Variants in RASGEF1A observed in about 807,000 individuals in gnomAD.
RASGEF1A encodes RasGEF domain family member 1A, also known as ras-GEF domain-containing family member 1A.
A neutral mutation model predicts 56.4 loss-of-function variants in RASGEF1A; 18 were observed. The observed-to-expected ratio is 0.32, with a 90% CI of 0.22 to 0.47. RASGEF1A has a LOEUF of 0.47. RASGEF1A is among the 20% of genes least tolerant of loss of function. RASGEF1A has a pLI of 1.00. For missense variants in RASGEF1A, 422 were observed against 627.1 expected, an observed-to-expected ratio of 0.67 and a Z score of 3.49; for synonymous variants, 245 against 242.6, an observed-to-expected ratio of 1.01 and a Z score of -0.09.
chr10:43,197,245 C>T, intron 10 of RASGEF1A, 146 bp from the exon 11 acceptor site: 1 of 969,586 alleles, frequency 1.0e-6, no homozygotes, highest in Non-Finnish European at 1.5e-6. Flanking sequence ...CACGCTGACC[C>T]CGTGGCCATG....
At chr10:43,255,274 C>T (rs1478053642) in intron 1 of RASGEF1A, among the ~76,000 whole-genome samples, 2 of 152,232 alleles carry the variant, frequency 1.3e-5, no homozygotes, top group Non-Finnish European at 2.9e-5. Context: ...GCCAAGCCGC[C>T]CAGCCCTGCC....
chr10:43,235,413 G>T (rs1192903032), intron 1 of RASGEF1A, among the ~76,000 whole-genome samples: 1 of 152,138 alleles, frequency 6.6e-6, no homozygotes, highest in Non-Finnish European at 1.5e-5. Context: ...CTCTTCCTGG[G>T]GTCCTGTGTC....
intron 1 of RASGEF1A, among the ~76,000 whole-genome samples, chr10:43,235,109 T>A (rs548181922): frequency 1.3e-5 from 2 of 152,340 alleles, no homozygotes; most frequent in East Asian, 3.9e-4. Flanking sequence ...ATACCATTAG[T>A]GCTCCCTTTT....
Position 43,207,759 on chromosome 10 carries a change from A to C in RASGEF1A, c.-6-1637T>G, listed in dbSNP as rs75196304. On this transcript the variant is annotated intron_variant, in intron 1 of 12. Transcript: ENST00000395810. ...GCCTAGCCCCAGACCTGCTGGTCAG[A>C]AACTCTGGGGTGGACTGCTTCTGTA... 3,122 of 961,842 alleles carry C rather than the reference A, an allele frequency of 3.2e-3. 111 individuals are homozygous for C. In the East Asian group the frequency reaches 0.094, roughly 29 times the overall value. The allele number at this position is 961,842 out of a possible 1,614,324, so 59.6% of individuals were successfully genotyped here. A position where few individuals can be genotyped will look rare whatever the true frequency, so the allele number is the denominator to read the frequency against.
intron 1 of RASGEF1A, among the ~76,000 whole-genome samples, chr10:43,234,000 A>C (rs1840402165): frequency 6.6e-6 from 1 of 152,098 alleles, no homozygotes; most frequent in African/African-American, 2.4e-5. Context: ...AGAGCATCTA[A>C]GGTTGGCCCC....
intron 1 of RASGEF1A, 141 bp downstream of exon 1, chr10:43,266,704 C>G (rs1249064783): frequency 1.4e-5 from 2 of 146,294 alleles, no homozygotes; most frequent in African/African-American, 4.9e-5. Flanking sequence ...CCGGAGCCCG[C>G]GCCCCGGCCC....
At chr10:43,261,380 G>A (rs905075765) in intron 1 of RASGEF1A, among the ~76,000 whole-genome samples, 5 of 152,220 alleles carry the variant, frequency 3.3e-5, no homozygotes, top group Admixed American at 6.5e-5. Context: ...TCCCCGTAGC[G>A]GGGCTGAGCA....
intron 1 of RASGEF1A, among the ~76,000 whole-genome samples, chr10:43,234,629 C>T (rs897729840): frequency 2.0e-5 from 3 of 152,162 alleles, no homozygotes; most frequent in Non-Finnish European, 4.4e-5. Context: ...AAGGCCCTGG[C>T]CCCCCACCCT....
chr10:43,218,100 C>T (rs1259372104), intron 1 of RASGEF1A, among the ~76,000 whole-genome samples: 6 of 152,220 alleles, frequency 3.9e-5, no homozygotes. Flanking sequence ...CGACCGTGAG[C>T]ACTAAGTGAA....
At position 43,196,899 on chromosome 10, in the gene RASGEF1A, C is replaced by G; in HGVS notation, c.1348+77G>C. ...GCAGCCAGCAGGCCATCTCCCAGGGCAACCCCAAAGAGCACCGGGCCTGGA... is the reference window on the plus strand; with the variant it reads ...GCAGCCAGCAGGCCATCTCCCAGGGGAACCCCAAAGAGCACCGGGCCTGGA... On this transcript the variant is annotated intron_variant, in intron 11 of 12. Coordinates refer to ENST00000395810, the MANE Select transcript of RASGEF1A (RefSeq NM_145313.4). This position sits in a 1 kb window ranked among gnomAD's most constrained non-coding sequence, Gnocchi z 4.6. 29 of 1,563,968 alleles carry G rather than the reference C, an allele frequency of 1.9e-5. No individual in the cohort carries two copies. The highest frequency in any genetic ancestry group is 2.5e-5 in the Non-Finnish European group (29 of 1,153,068).
At chr10:43,210,430 C>T (rs1486274951) in intron 1 of RASGEF1A, among the ~76,000 whole-genome samples, 1 of 152,190 alleles carries the variant, frequency 6.6e-6, no homozygotes, top group Non-Finnish European at 1.5e-5. Context: ...GCCCTGATCA[C>T]ACCACTGCAC....
intron 1 of RASGEF1A, among the ~76,000 whole-genome samples, chr10:43,226,275 C>G (rs1840279218): frequency 6.6e-6 from 1 of 152,116 alleles, no homozygotes; most frequent in Non-Finnish European, 1.5e-5. Flanking sequence ...AACCCCGTCT[C>G]TACTAAAAAT....
In RASGEF1A at chr10:43,260,872, T is replaced by C. The variant is rs143476158; in HGVS notation, c.-7+5973A>G. Among the ~76,000 whole-genome samples the C allele has an allele frequency of 4.9e-3, 740 of 152,376 alleles. 9 individuals are homozygous for C. Among genetic ancestry groups the C allele is most frequent in the African/African-American group, 0.017 (698 of 41,578 alleles). ...CATCATTCAAACATGTGTTTCAAAT[T>C]TTCTAAATATACAACTCTTTTAGAG... On this transcript the variant is annotated intron_variant, in intron 1 of 12. Transcript: ENST00000395810.
chr10:43,229,752 G>C, intron 1 of RASGEF1A: 3 of 1,317,280 alleles, frequency 2.3e-6, no homozygotes, highest in Non-Finnish European at 2.9e-6. Flanking sequence ...CTCCTGCGCC[G>C]GCCCCTGCCG....
intron 1 of RASGEF1A, among the ~76,000 whole-genome samples, chr10:43,216,078 G>A (rs527722374): frequency 1.3e-5 from 2 of 152,340 alleles, no homozygotes; most frequent in East Asian, 1.9e-4. Flanking sequence ...TGCACTGACT[G>A]ATGATGTGTG....
chr10:43,199,282 G>A, intron 7 of RASGEF1A, 88 bp from the exon 8 acceptor site: 1 of 986,560 alleles, frequency 1.0e-6, no homozygotes, highest in Non-Finnish European at 1.6e-6. Flanking sequence ...GGGGCAGGGA[G>A]GACCTCGGGA....
At chr10:43,216,880 T>C (rs559946371) in intron 1 of RASGEF1A, among the ~76,000 whole-genome samples, 4 of 152,110 alleles carry the variant, frequency 2.6e-5, no homozygotes, top group African/African-American at 7.2e-5. Flanking sequence ...CTTCACCCCA[T>C]CTCCCTCCTG....
intron 1 of RASGEF1A, among the ~76,000 whole-genome samples, chr10:43,264,614 G>A (rs1275587299): frequency 2.0e-5 from 3 of 151,154 alleles, no homozygotes; most frequent in Admixed American, 1.3e-4. Context: ...CCAGAGTGCC[G>A]GACCCAAGCA....
intron 1 of RASGEF1A, among the ~76,000 whole-genome samples, chr10:43,251,988 T>A (rs147049880): frequency 6.6e-6 from 1 of 152,284 alleles, no homozygotes; most frequent in East Asian, 1.9e-4. Flanking sequence ...CCCTGCTGGA[T>A]GGTAGCGGCA....
Sources: gnomAD v4.1 joint callset for allele counts (sites outside exome capture counted in the v4.1 genomes callset) on GRCh38, gnomAD v4.1.1 for gene constraint, Gnocchi (gnomAD v3.1) non-coding constraint, MANE v1.5 for transcripts, NCBI Gene and HGNC (gene_info 2026-07-23, HGNC 2026-07-21) for gene names.